RAD51B: variants seen among roughly 807,000 people sequenced by gnomAD.
The protein encoded by RAD51B is DNA repair protein RAD51 homolog 2.
In RAD51B, 38 loss-of-function variants were observed where a neutral mutation model predicts 42.2. That is an observed-to-expected ratio of 0.90 (90% confidence interval 0.70 to 1.18). The LOEUF is 1.18. RAD51B is among the 50% of genes most tolerant of loss of function. The pLI is 0.00. For missense variants in RAD51B, 373 were observed against 400.7 expected, an observed-to-expected ratio of 0.93 and a Z score of 0.59; for synonymous variants, 154 against 145.2, an observed-to-expected ratio of 1.06 and a Z score of -0.43.
intron 7 of RAD51B, among the ~76,000 whole-genome samples, chr14:68,221,548 G>T (rs1168633064): frequency 6.6e-6 from 1 of 152,184 alleles, no homozygotes; most frequent in East Asian, 1.9e-4. Flanking sequence ...ACTGAAGATG[G>T]ATCAAAGACT....
intron 10 of RAD51B, among the ~76,000 whole-genome samples, chr14:68,592,071 C>G (rs1358380115): frequency 6.6e-6 from 1 of 152,120 alleles, no homozygotes; most frequent in Non-Finnish European, 1.5e-5. Context: ...TCAAGCCATT[C>G]CTTCCAGATG....
At chr14:68,360,933 T>G (rs2083012202) in intron 8 of RAD51B, among the ~76,000 whole-genome samples, 2 of 152,162 alleles carry the variant, frequency 1.3e-5, no homozygotes, top group Non-Finnish European at 2.9e-5. Context: ...CAGATTCTTC[T>G]TGGCCTCCCT....
Position 67,865,261 on chromosome 14 carries a change from G to A in RAD51B, c.452+122G>A, listed in dbSNP as rs569711005. 58 of 950,256 alleles carry A rather than the reference G, an allele frequency of 6.1e-5. No homozygotes were observed. The South Asian group carries it at 1.4e-3, about 22-fold the overall frequency. 58.9% of individuals were successfully genotyped at this position (950,256 alleles called of 1,614,324 possible). A position where few individuals can be genotyped will look rare whatever the true frequency, so the allele number is the denominator to read the frequency against. Reference sequence around the variant, plus strand: ...CTTGCCTTTTTTTTTTTTTTGAGATGGAGTCTTGCTCTGTTGCCGGGCTGG... The same window carrying A: ...CTTGCCTTTTTTTTTTTTTTGAGATAGAGTCTTGCTCTGTTGCCGGGCTGG... On this transcript the variant is annotated intron_variant, in intron 5 of 10. Transcript: ENST00000471583.
chr14:68,359,397 A>G (rs2082973278), intron 8 of RAD51B, among the ~76,000 whole-genome samples: 1 of 151,976 alleles, frequency 6.6e-6, no homozygotes, highest in African/African-American at 2.4e-5. Flanking sequence ...TTGTTTTGGA[A>G]GAGGGCTGGG....
intron 10 of RAD51B, among the ~76,000 whole-genome samples, chr14:68,499,980 G>GGA (rs1019110444): frequency 6.6e-5 from 10 of 152,138 alleles, no homozygotes; most frequent in African/African-American, 1.9e-4. Flanking sequence ...TGAAATGACT[G>GGA]GAGAGAGAGA....
At chr14:68,590,859 T>A (rs947146320) in intron 10 of RAD51B, among the ~76,000 whole-genome samples, 1 of 152,078 alleles carries the variant, frequency 6.6e-6, no homozygotes, top group Non-Finnish European at 1.5e-5. Context: ...CGGGGCAGAG[T>A]GGCCTCTCTA....
At chr14:68,290,137 A>T (rs976883881) in intron 7 of RAD51B, among the ~76,000 whole-genome samples, 2 of 152,228 alleles carry the variant, frequency 1.3e-5, no homozygotes, top group African/African-American at 2.4e-5. Context: ...CTGGATAATA[A>T]AAAATGGAGG....
chr14:68,084,037 G>A (rs2140496638), intron 7 of RAD51B, among the ~76,000 whole-genome samples: 1 of 152,276 alleles, frequency 6.6e-6, no homozygotes, highest in South Asian at 2.1e-4. Flanking sequence ...GCATGTTGGG[G>A]TATTTTAGTA....
chr14:68,128,096 C>G (rs1431051278), intron 7 of RAD51B, among the ~76,000 whole-genome samples: 1 of 152,184 alleles, frequency 6.6e-6, no homozygotes, highest in East Asian at 1.9e-4. Flanking sequence ...TGGGAAGTAT[C>G]ACTGGGACCA....
chr14:67,966,214 G>A (rs1315776499), intron 7 of RAD51B, among the ~76,000 whole-genome samples: 1 of 152,046 alleles, frequency 6.6e-6, no homozygotes, highest in Admixed American at 6.5e-5. Context: ...GAACTCACAG[G>A]ACCACGAGCC....
chr14:67,822,684 C>A (rs534841262), intron 1 of RAD51B, among the ~76,000 whole-genome samples: 1 of 152,170 alleles, frequency 6.6e-6, no homozygotes, highest in East Asian at 1.9e-4. Flanking sequence ...GATCGAGCCA[C>A]TGCACTCCAG....
At chr14:68,497,823 G>T in intron 10 of RAD51B, 1 of 216,800 alleles carries the variant, frequency 4.6e-6, no homozygotes, top group Non-Finnish European at 9.3e-6. Context: ...CTCCTCCATG[G>T]TGTAGCGTGC....
intron 8 of RAD51B, among the ~76,000 whole-genome samples, chr14:68,409,081 A>G (rs926679619): frequency 1.3e-5 from 2 of 152,332 alleles, no homozygotes; most frequent in East Asian, 3.9e-4. Context: ...GAAATGTTCT[A>G]AAGTTAATTG....
intron 10 of RAD51B, chr14:68,610,982 T>A (rs56104115): frequency 0.16 from 112,273 of 699,478 alleles, 9,798 homozygotes; most frequent in Admixed American, 0.24. Flanking sequence ...CATTTAAATC[T>A]GATCTTATTC....
At chr14:67,928,934 T>C (rs1475830726) in intron 7 of RAD51B, among the ~76,000 whole-genome samples, 1 of 152,184 alleles carries the variant, frequency 6.6e-6, no homozygotes. Context: ...CTTTTGTACT[T>C]CTGGTGTCAG....
chr14:68,417,552 G>T (rs2084592941), intron 9 of RAD51B, among the ~76,000 whole-genome samples: 1 of 152,176 alleles, frequency 6.6e-6, no homozygotes, highest in South Asian at 2.1e-4. Context: ...GGCATTAAAA[G>T]AATCCCTTTT....
chr14:68,295,342 A>G (rs2139672067), intron 8 of RAD51B, among the ~76,000 whole-genome samples: 1 of 152,266 alleles, frequency 6.6e-6, no homozygotes, highest in South Asian at 2.1e-4. Context: ...CAAATTTAAT[A>G]AGGGTGGTGG....
At chr14:68,483,867 T>C (rs1487323082) in intron 10 of RAD51B, among the ~76,000 whole-genome samples, 3 of 152,228 alleles carry the variant, frequency 2.0e-5, no homozygotes, top group South Asian at 2.1e-4. Context: ...TTGGTTTTCC[T>C]TCCAGTTTAG....
intron 7 of RAD51B, among the ~76,000 whole-genome samples, chr14:68,177,346 C>T (rs1272384032): frequency 1.3e-5 from 2 of 152,188 alleles, no homozygotes; most frequent in African/African-American, 4.8e-5. Context: ...TATGTTTACA[C>T]AGGTAGGCAC....
Sources: allele counts gnomAD v4.1 joint callset (sites outside exome capture counted in the v4.1 genomes callset), GRCh38; gene constraint gnomAD v4.1.1; transcripts MANE v1.5; gene names NCBI Gene and HGNC (gene_info 2026-07-23, HGNC 2026-07-21).